Variants in AFG2B observed in about 807,000 individuals in gnomAD.
The protein encoded by AFG2B is AAA ATPase AFG2B, also known as ATPase family gene 2 protein homolog B.
At chr15:45,419,949 C>T in the AFG2B span, among the ~76,000 whole-genome samples, 1 of 138,416 alleles carries the variant, frequency 7.2e-6, no homozygotes, top group Non-Finnish European at 1.5e-5. Context: ...ATGATTGTGT[C>T]ACTGTACTTC....
At chr15:45,419,997 C>CCCA in the AFG2B span, among the ~76,000 whole-genome samples, 1 of 53,710 alleles carries the variant, frequency 1.9e-5, no homozygotes, top group Admixed American at 3.0e-4. Flanking sequence ...CCCCCCCCCC[C>CCCA]AAAAAAAAAA....
chr15:45,420,818 C>CCTGT, the AFG2B span, among the ~76,000 whole-genome samples: 1 of 152,028 alleles, frequency 6.6e-6, no homozygotes, highest in African/African-American at 2.4e-5. Context: ...ATGGTGAAAC[C>CCTGT]CTGTCTCTAC....
the AFG2B span, chr15:45,417,831 A>G: frequency 6.5e-6 from 1 of 154,750 alleles, no homozygotes; most frequent in East Asian, 1.9e-4. Flanking sequence ...GAGATTATGC[A>G]GTGTATCATG....
the AFG2B span, among the ~76,000 whole-genome samples, chr15:45,410,806 A>G: frequency 1.3e-5 from 2 of 152,182 alleles, no homozygotes; most frequent in East Asian, 3.9e-4. Flanking sequence ...CTATAATCCC[A>G]GCACTTTGGG....
chr15:45,410,563 T>C, the AFG2B span: 2 of 1,560,254 alleles, frequency 1.3e-6, no homozygotes, highest in Non-Finnish European at 1.7e-6. Context: ...TCCAGTAGGA[T>C]ATTACAGATT....
the AFG2B span, chr15:45,417,882 T>TG: frequency 6.5e-6 from 1 of 152,894 alleles, no homozygotes; most frequent in East Asian, 1.9e-4. Flanking sequence ...CCAGAGCCAC[T>TG]GACAGGGAGG....
At chr15:45,417,290 G>T in the AFG2B span, 1 of 1,613,738 alleles carries the variant, frequency 6.2e-7, no homozygotes, top group Non-Finnish European at 8.5e-7. Flanking sequence ...GTTTTTAACC[G>T]AAGTGTCATG....
At chr15:45,406,898 T>G in the AFG2B span, 2 of 687,998 alleles carry the variant, frequency 2.9e-6, no homozygotes, top group Non-Finnish European at 4.5e-6. Context: ...CTTGTAGGTT[T>G]AGACCAAAAC....
At chr15:45,413,864 C>T in the AFG2B span, among the ~76,000 whole-genome samples, 3 of 151,928 alleles carry the variant, frequency 2.0e-5, no homozygotes, top group Non-Finnish European at 2.9e-5. Flanking sequence ...TTTTTAGGCC[C>T]GAGTTTTTTT....
At chr15:45,402,689 C>T in the AFG2B span, 1 of 1,572,426 alleles carries the variant, frequency 6.4e-7, no homozygotes, top group Non-Finnish European at 8.6e-7. Context: ...GCGGTCGGGG[C>T]GTCGAGATCC....
chr15:45,404,486 C>T, the AFG2B span, among the ~76,000 whole-genome samples: 10 of 72,796 alleles, frequency 1.4e-4, no homozygotes, highest in African/African-American at 1.9e-4. Context: ...ACTAAATTGT[C>T]GTACATGTTT....
the AFG2B span, chr15:45,403,552 T>G: frequency 6.3e-7 from 1 of 1,586,692 alleles, no homozygotes; most frequent in South Asian, 1.1e-5. Context: ...CCACTGTCGG[T>G]GGAACCTCGG....
At chr15:45,417,462 G>A in the AFG2B span, 2 of 1,567,976 alleles carry the variant, frequency 1.3e-6, no homozygotes, top group Non-Finnish European at 1.7e-6. Flanking sequence ...TTGGATATAG[G>A]TGTCCATGGT....
chr15:45,417,450 A>C, the AFG2B span: 3 of 1,600,650 alleles, frequency 1.9e-6, no homozygotes, highest in Admixed American at 1.7e-5. Context: ...TTGAATTCCA[A>C]CTTGGATATA....
the AFG2B span, chr15:45,407,210 A>C: frequency 8.1e-7 from 1 of 1,238,660 alleles, no homozygotes; most frequent in African/African-American, 1.6e-5. Flanking sequence ...ATGAAGGGAC[A>C]GACAACTGGG....
At chr15:45,402,499 C>G in the AFG2B span, 1 of 1,609,380 alleles carries the variant, frequency 6.2e-7, no homozygotes, top group Non-Finnish European at 8.5e-7. Flanking sequence ...CGCTAGAGAC[C>G]GGGGCACCCA....
chr15:45,411,971 G>A, the AFG2B span, among the ~76,000 whole-genome samples: 1 of 151,936 alleles, frequency 6.6e-6, no homozygotes, highest in Non-Finnish European at 1.5e-5. Flanking sequence ...GGTGGCGCAT[G>A]CCTGTAATCC....
the AFG2B span, among the ~76,000 whole-genome samples, chr15:45,411,126 C>T: frequency 6.6e-6 from 1 of 151,888 alleles, no homozygotes; most frequent in Non-Finnish European, 1.5e-5. Flanking sequence ...CACTTGAACC[C>T]GGGAGGCAGA....
chr15:45,405,518 A>C, the AFG2B span: 15 of 1,607,648 alleles, frequency 9.3e-6, no homozygotes, highest in Non-Finnish European at 1.1e-5. Context: ...AAGAAGTGTT[A>C]ATTTATGAAC....
Sources: gnomAD v4.1 joint callset for allele counts (sites outside exome capture counted in the v4.1 genomes callset) on GRCh38, gnomAD v4.1.1 for gene constraint, MANE v1.5 for transcripts, NCBI Gene and HGNC (gene_info 2026-07-23, HGNC 2026-07-21) for gene names.